The following THRB variants were observed in gnomAD, a reference collection of about 807,000 sequenced individuals.
THRB encodes nuclear receptor subfamily 1 group A member 2.
THRB carries 12 observed loss-of-function variants against 47.8 expected under a neutral mutation model. That is an observed-to-expected ratio of 0.25 (90% CI 0.16 to 0.41). The LOEUF (loss-of-function observed/expected upper bound fraction) is 0.41, where lower values mean the gene tolerates loss of function less well. Ranked by LOEUF, THRB falls within the 10% of genes least tolerant of loss-of-function variation. The pLI is 1.00. For synonymous variants in THRB, 218 were observed against 212.2 expected (o/e 1.03, Z -0.24); for missense variants, 348 against 589.2 (o/e 0.59, Z 4.24).
chr3:24,212,328 G>A (rs2046120914), intron 4 of THRB, among the ~76,000 whole-genome samples: 1 of 152,108 alleles, frequency 6.6e-6, no homozygotes, highest in African/African-American at 2.4e-5. Flanking sequence ...AACCTGGGAG[G>A]CGGAGGTTGT....
intron 1 of THRB, among the ~76,000 whole-genome samples, chr3:24,387,775 G>A (rs1052456914): frequency 2.0e-5 from 3 of 152,072 alleles, no homozygotes; most frequent in Non-Finnish European, 4.4e-5. Context: ...TCTGAGGTTG[G>A]GTCAAGGGGT....
intron 1 of THRB, among the ~76,000 whole-genome samples, chr3:24,487,779 A>G (rs1697528958): frequency 6.6e-6 from 1 of 152,230 alleles, no homozygotes; most frequent in Non-Finnish European, 1.5e-5. Flanking sequence ...GCAAGTATGG[A>G]CATGCCAGTT....
intron 3 of THRB, among the ~76,000 whole-genome samples, chr3:24,259,451 G>A (rs952988434): frequency 1.3e-5 from 2 of 152,158 alleles, no homozygotes; most frequent in Non-Finnish European, 2.9e-5. Context: ...TCTTAACAGT[G>A]TATGTGTATG....
At chr3:24,252,689 C>G (rs1252639163) in intron 3 of THRB, among the ~76,000 whole-genome samples, 3 of 151,280 alleles carry the variant, frequency 2.0e-5, no homozygotes, top group Admixed American at 2.0e-4. Flanking sequence ...AATAAACCAT[C>G]TGGGAATAAA....
intron 1 of THRB, among the ~76,000 whole-genome samples, chr3:24,377,095 A>T (rs1195658645): frequency 1.3e-5 from 2 of 151,920 alleles, no homozygotes; most frequent in Non-Finnish European, 2.9e-5. Context: ...ACACCACCAC[A>T]CTTTGCTAAT....
intron 1 of THRB, chr3:24,348,805 C>G (rs1167029319): frequency 6.6e-6 from 1 of 151,988 alleles, no homozygotes; most frequent in Admixed American, 6.6e-5. Flanking sequence ...TTGAAAGTTT[C>G]CCCTAAGACT....
chr3:24,207,060 AGAG>A (rs2045454383), intron 4 of THRB, among the ~76,000 whole-genome samples: 1 of 152,226 alleles, frequency 6.6e-6, no homozygotes, highest in African/African-American at 2.4e-5. Flanking sequence ...GAATTCTACC[AGAG>A]GTGCAAGGAA....
intron 1 of THRB, among the ~76,000 whole-genome samples, chr3:24,473,900 C>A (rs548181870): frequency 1.3e-5 from 2 of 152,186 alleles, no homozygotes; most frequent in African/African-American, 4.8e-5. Context: ...TAAGTGGGAA[C>A]AAAGAGAACA....
intron 4 of THRB, among the ~76,000 whole-genome samples, chr3:24,204,137 A>G (rs964182471): frequency 7.2e-5 from 11 of 152,198 alleles, no homozygotes; most frequent in Non-Finnish European, 1.5e-5. Context: ...AATGTCCCTG[A>G]CAGCTTTGAA....
At chr3:24,316,726 C>CA (rs1179279514) in intron 2 of THRB, among the ~76,000 whole-genome samples, 1 of 152,138 alleles carries the variant, frequency 6.6e-6, no homozygotes, top group Non-Finnish European at 1.5e-5. Context: ...CTCAGCTTCA[C>CA]ATACAAGACC....
chr3:24,286,397 AAG>A (rs1459906515), intron 3 of THRB, among the ~76,000 whole-genome samples: 5 of 152,216 alleles, frequency 3.3e-5, no homozygotes, highest in African/African-American at 9.7e-5. Context: ...GGAGGAAAGA[AAG>A]AAATCCCAGA....
At chr3:24,214,155 A>G (rs73823234) in intron 4 of THRB, among the ~76,000 whole-genome samples, 4,351 of 152,310 alleles carry the variant, frequency 0.029, 231 homozygotes, top group African/African-American at 0.099. Context: ...TAAAGCCACA[A>G]TGGACTTGAG....
intron 1 of THRB, among the ~76,000 whole-genome samples, chr3:24,442,272 A>C (rs981815446): frequency 6.6e-6 from 1 of 152,234 alleles, no homozygotes; most frequent in Non-Finnish European, 1.5e-5. Context: ...CAGGCAAGGC[A>C]CTGATCTCAG....
chr3:24,358,025 G>A (rs895500682), intron 1 of THRB, among the ~76,000 whole-genome samples: 2 of 152,098 alleles, frequency 1.3e-5, no homozygotes, highest in Non-Finnish European at 2.9e-5. Flanking sequence ...CATGGAATTA[G>A]GAACTTCGTT....
chr3:24,148,120 T>C (rs2036358216), intron 6 of THRB, among the ~76,000 whole-genome samples: 1 of 152,156 alleles, frequency 6.6e-6, no homozygotes, highest in Non-Finnish European at 1.5e-5. Flanking sequence ...TTTTAAAATG[T>C]AAGAAATTAA....
chr3:24,418,154 C>G (rs547658898), intron 1 of THRB, among the ~76,000 whole-genome samples: 7 of 151,504 alleles, frequency 4.6e-5, no homozygotes, highest in Non-Finnish European at 1.0e-4. Context: ...ACCTTTCAAC[C>G]TTTCAGCTCT....
At chr3:24,138,361 T>G (rs1181891241) in intron 8 of THRB, among the ~76,000 whole-genome samples, 2 of 151,866 alleles carry the variant, frequency 1.3e-5, no homozygotes, top group East Asian at 3.9e-4. Flanking sequence ...AGCCTCACCC[T>G]TTTCCTGGGA....
At chr3:24,234,969 GAGCCACGGAAGGTCTTTA>G (rs1428885864) in intron 3 of THRB, among the ~76,000 whole-genome samples, 1 of 152,166 alleles carries the variant, frequency 6.6e-6, no homozygotes, top group African/African-American at 2.4e-5. Flanking sequence ...GAAAAATGGG[GAGCCACGGAAGGTCTTTA>G]AGCAGTGATC....
At chr3:24,152,346 T>C (rs2037091774) in intron 6 of THRB, 44 bp downstream of exon 6, 1 of 1,045,592 alleles carries the variant, frequency 9.6e-7, no homozygotes, top group African/African-American at 1.6e-5. Flanking sequence ...GGGAGGGGAC[T>C]GGAGCTGGGC....
Sources: gnomAD v4.1 joint callset for allele counts (sites outside exome capture counted in the v4.1 genomes callset) on GRCh38, gnomAD v4.1.1 for gene constraint, MANE v1.5 for transcripts, NCBI Gene and HGNC (gene_info 2026-07-23, HGNC 2026-07-21) for gene names.